Variants in MAP3K20 observed in about 807,000 individuals in gnomAD.
MAP3K20 encodes the protein mitogen-activated protein kinase kinase kinase 20, also known as HCCS-4.
Under a neutral mutation model 85.7 loss-of-function variants are expected in MAP3K20, and 40 were observed. That is an observed-to-expected ratio of 0.47 (90% CI 0.36 to 0.61). MAP3K20 has a LOEUF of 0.61. Ranked by LOEUF, MAP3K20 falls within the 20% of genes least tolerant of loss-of-function variation. MAP3K20 has a pLI of 0.00. For synonymous variants in MAP3K20, 325 were observed against 327.7 expected (o/e 0.99, Z 0.09); for missense variants, 817 against 961.7 (o/e 0.85, Z 1.99).
intron 2 of MAP3K20, among the ~76,000 whole-genome samples, chr2:173,117,134 CAATT>C (rs1688147858): frequency 6.6e-6 from 1 of 152,136 alleles, no homozygotes; most frequent in South Asian, 2.1e-4. Flanking sequence ...ACAATGCAAT[CAATT>C]AAATAAAAAA....
chr2:173,190,930 CTA>C lies in MAP3K20; in HGVS notation c.444+9_444+10del. ...TGCTGATGGAGTATTGAAGGTAGGA[CTA>C]TTTCTTTTACTTAAAAAAATTGTTA... On this transcript the variant is annotated splice_region_variant and intron_variant, in intron 6 of 19. Coordinates refer to ENST00000375213, the MANE Select transcript of MAP3K20 (RefSeq NM_016653.3). The C allele has an allele frequency of 6.2e-7, 1 of 1,603,292 alleles. No homozygotes were observed. The highest frequency in any genetic ancestry group is 8.5e-7 in the Non-Finnish European group (1 of 1,173,348).
Position 173,092,965 on chromosome 2 carries a change from G to GT in MAP3K20, c.159+1776dup, listed in dbSNP as rs1687344014. Among the ~76,000 whole-genome samples, 5 of 152,228 alleles carry GT rather than the reference G, an allele frequency of 3.3e-5. No homozygotes were observed. The South Asian group carries it at 1.0e-3, about 32-fold the overall frequency. On this transcript the variant is annotated intron_variant, in intron 2 of 19. Coordinates refer to ENST00000375213, the MANE Select transcript of MAP3K20 (RefSeq NM_016653.3). ...GAAATTGAGTTGATTCCAGTAAACT[G>GT]TAAGAGCATAACTCATAAACCTGTA...
At chr2:173,209,904 TG>T (rs1683826073) in intron 10 of MAP3K20, 69 bp downstream of exon 10, 1 of 1,314,634 alleles carries the variant, frequency 7.6e-7, no homozygotes. Context: ...AATGAAGAAG[TG>T]AACCAGAGAT....
At chr2:173,104,895 C>T (rs978917354) in intron 2 of MAP3K20, among the ~76,000 whole-genome samples, 14 of 152,032 alleles carry the variant, frequency 9.2e-5, no homozygotes, top group African/African-American at 4.8e-5. Context: ...TAAAACATTC[C>T]AGATACAGGC....
chr2:173,210,453 T>C (rs1328079135), intron 10 of MAP3K20: 1 of 152,758 alleles, frequency 6.5e-6, no homozygotes, highest in Non-Finnish European at 1.5e-5. Context: ...CTCTGTTGTG[T>C]AAGAAACAAG....
At chr2:173,160,438 A>C (rs913948574) in intron 2 of MAP3K20, 1 of 152,186 alleles carries the variant, frequency 6.6e-6, no homozygotes, top group African/African-American at 2.4e-5. Flanking sequence ...TTTTATTTAA[A>C]AAAAGCCCTG....
Position 173,229,980 on chromosome 2 carries a change from C to T in MAP3K20, c.1032+247C>T, listed in dbSNP as rs528865940. Among the ~76,000 whole-genome samples, 28 of 152,206 alleles carry T rather than the reference C, an allele frequency of 1.8e-4. No homozygotes were observed. In the South Asian group the frequency reaches 5.4e-3, roughly 29 times the overall value. On this transcript the variant is annotated intron_variant, in intron 12 of 19. Coordinates refer to ENST00000375213, the MANE Select transcript of MAP3K20 (RefSeq NM_016653.3). ...CTGAGTAGCTAAGACTATAGGTTCC[C>T]ACCAGCATGCCTGGCTAATTTTTGT...
At chr2:173,192,191 G>A (rs916485386) in intron 7 of MAP3K20, among the ~76,000 whole-genome samples, 1 of 152,150 alleles carries the variant, frequency 6.6e-6, no homozygotes, top group East Asian at 1.9e-4. Flanking sequence ...CTGTCTCTTC[G>A]TCCTGAACTT....
intron 2 of MAP3K20, among the ~76,000 whole-genome samples, chr2:173,092,613 G>T (rs969681042): frequency 6.6e-6 from 1 of 152,260 alleles, no homozygotes; most frequent in East Asian, 1.9e-4. Context: ...AACTAAACCT[G>T]CTCCATCCAT....
chr2:173,203,819 C>G lies in MAP3K20; in HGVS notation c.693C>G (p.Cys231Trp), dbSNP rs185497574. 6.8e-6 allele frequency: 11 copies of G among 1,613,744 alleles called. No individual in the cohort carries two copies. In the Admixed American group the frequency reaches 1.8e-4, roughly 27 times the overall value. Residue 231 changes from cysteine to tryptophan, a missense_variant, in exon 9 of 20, where the codon TGC (cysteine) becomes TGG (tryptophan). Physicochemically the swap from Cys to Trp is radical, Grantham distance 215. Transcript: ENST00000375213. ...AGAGATTAACCATTCCAAGCAGTTGCCCCAGAAGTTTTGCTGAACTGTTAC... is the reference window on the plus strand; with the variant it reads ...AGAGATTAACCATTCCAAGCAGTTGGCCCAGAAGTTTTGCTGAACTGTTAC... Reference protein sequence around the residue: ...KNERLTIPSSCPRSFAELLHQ... With the variant: ...KNERLTIPSSWPRSFAELLHQ...
At chr2:173,251,032 G>A (rs1243002605) in intron 16 of MAP3K20, among the ~76,000 whole-genome samples, 2 of 152,172 alleles carry the variant, frequency 1.3e-5, no homozygotes, top group East Asian at 3.8e-4. Flanking sequence ...TTCAGCAGCT[G>A]AGCTAGATAA....
chr2:173,262,713 A>G (rs1187285399), intron 18 of MAP3K20, among the ~76,000 whole-genome samples: 1 of 152,220 alleles, frequency 6.6e-6, no homozygotes, highest in Non-Finnish European at 1.5e-5. Flanking sequence ...GCTGGGGTGC[A>G]CAGGTTGTCA....
At chr2:173,227,184 G>A in intron 11 of MAP3K20, 2 of 964,524 alleles carry the variant, frequency 2.1e-6, no homozygotes, top group Non-Finnish European at 1.2e-6. Context: ...TAAGATCCCT[G>A]TTAGATTGGA....
chr2:173,082,696 C>G (rs1687044328), intron 1 of MAP3K20, among the ~76,000 whole-genome samples: 1 of 152,218 alleles, frequency 6.6e-6, no homozygotes, highest in Non-Finnish European at 1.5e-5. Context: ...TAGAAATCTC[C>G]CCTCTCCGTG....
intron 1 of MAP3K20, among the ~76,000 whole-genome samples, chr2:173,083,272 T>G (rs1026507853): frequency 2.0e-5 from 3 of 152,206 alleles, no homozygotes; most frequent in Non-Finnish European, 4.4e-5. Context: ...GGAGCAGCCT[T>G]GGAGGAAGAA....
intron 10 of MAP3K20, among the ~76,000 whole-genome samples, chr2:173,213,429 C>T (rs1402597767): frequency 6.6e-6 from 1 of 152,156 alleles, no homozygotes. Flanking sequence ...AGCAGTAGAG[C>T]TGTTTTCACT....
intron 2 of MAP3K20, among the ~76,000 whole-genome samples, chr2:173,146,124 G>C (rs1307241332): frequency 1.3e-5 from 2 of 152,038 alleles, no homozygotes; most frequent in Admixed American, 6.5e-5. Context: ...GTCATACATA[G>C]GTGCATATAT....
Position 173,203,846 on chromosome 2 carries a change from TCA to T in MAP3K20, c.721_722del (p.Gln241ValfsTer5), listed in dbSNP as rs1683575768. The T allele has an allele frequency of 6.2e-7, 1 of 1,613,868 alleles. No homozygotes were observed. Among genetic ancestry groups the T allele is most frequent in the Non-Finnish European group, 8.5e-7 (1 of 1,179,918 alleles). On this transcript the variant is annotated frameshift_variant, in exon 9 of 20. Transcript: ENST00000375213. LOFTEE classifies it high-confidence loss of function. ...CCAGAAGTTTTGCTGAACTGTTACA[TCA>T]GTGTTGGGAAGCTGATGCCAAGGTA... ...CPRSFAELLH[Q>X]CWEADAKKRP...
chr2:173,266,284 A>T lies in MAP3K20; in HGVS notation c.1937A>T (p.Asn646Ile). ...CCTACTCAGTATGGACTGACCAAAA[A>T]CTTCTCTTCCCTACATCTCAACTCT... is the stretch of plus-strand genomic sequence containing the variant. Reference protein sequence around the residue: ...SSPTQYGLTKNFSSLHLNSRD... With the variant: ...SSPTQYGLTKIFSSLHLNSRD... Residue 646 changes from asparagine to isoleucine, a missense_variant, in exon 20 of 20, where the codon AAC becomes ATC. Physicochemically the swap from Asn to Ile is moderately radical, Grantham distance 149 (BLOSUM62 -3). This residue lies in a region of MAP3K20 where 454 missense variants were observed against 476.9 expected (regional missense o/e 0.95). Transcript: ENST00000375213. The T allele has an allele frequency of 6.2e-7, 1 of 1,613,884 alleles. No individual in the cohort carries two copies. Among genetic ancestry groups the T allele is most frequent in the Non-Finnish European group, 8.5e-7 (1 of 1,179,974 alleles).
Sources: allele counts gnomAD v4.1 joint callset (sites outside exome capture counted in the v4.1 genomes callset), GRCh38; gene constraint gnomAD v4.1.1; regional missense constraint gnomAD v4.1.1; transcripts MANE v1.5; gene names NCBI Gene and HGNC (gene_info 2026-07-23, HGNC 2026-07-21).